Variants in DIAPH2 observed in about 807,000 individuals in gnomAD.
DIAPH2 encodes protein diaphanous homolog 2.
A neutral mutation model predicts 92.7 loss-of-function variants in DIAPH2; 35 were observed. That is an observed-to-expected ratio of 0.38 (90% CI 0.29 to 0.50). The LOEUF (loss-of-function observed/expected upper bound fraction) is 0.50. Among genes scored for constraint, DIAPH2 ranks in the 20% least tolerant of loss-of-function variants. The pLI is 0.94. For missense variants in DIAPH2, 701 were observed against 819.5 expected (o/e 0.86, Z 1.77); for synonymous variants, 301 against 280.4 (o/e 1.07, Z -0.73).
intron 1 of DIAPH2, among the ~76,000 whole-genome samples, chrX:96,694,692 G>A (rs913854458): frequency 2.7e-5 from 3 of 111,556 alleles, no homozygotes; most frequent in East Asian, 5.6e-4. Flanking sequence ...CATTGCTCAC[G>A]ATACAGGGCA....
intron 17 of DIAPH2, among the ~76,000 whole-genome samples, chrX:97,027,965 T>G (rs1348726771): frequency 8.9e-6 from 1 of 112,345 alleles, no homozygotes; most frequent in East Asian, 2.8e-4. Flanking sequence ...AGTTATAAAC[T>G]GCAATTTTTA....
At chrX:96,735,934 C>T in intron 2 of DIAPH2, 144 bp downstream of exon 2, 1 of 376,808 alleles carries the variant, frequency 2.7e-6, no homozygotes, top group Non-Finnish European at 4.7e-6. Context: ...ATTGTCAATT[C>T]AGTGACTTCC....
At chrX:97,329,396 G>A (rs1602512052) in intron 23 of DIAPH2, among the ~76,000 whole-genome samples, 1 of 112,220 alleles carries the variant, frequency 8.9e-6, no homozygotes, top group Non-Finnish European at 1.9e-5. Flanking sequence ...AAAGGAAAGA[G>A]CCCACATTTA....
intron 1 of DIAPH2, among the ~76,000 whole-genome samples, chrX:96,695,639 T>C (rs1357762233): frequency 1.8e-5 from 2 of 112,189 alleles, no homozygotes; most frequent in African/African-American, 3.2e-5. Flanking sequence ...GGTTCTGTTA[T>C]AGCTAATTGT....
intron 23 of DIAPH2, among the ~76,000 whole-genome samples, chrX:97,271,801 C>CTA (rs1394606070): frequency 6.0e-5 from 4 of 66,708 alleles, no homozygotes; most frequent in African/African-American, 1.0e-4. Flanking sequence ...ATTGCAATGA[C>CTA]TATATATATA....
intron 23 of DIAPH2, among the ~76,000 whole-genome samples, chrX:97,312,345 CTTTTTTTTTTTTTTTTT>C (rs56309139): frequency 1.8e-5 from 1 of 54,945 alleles, no homozygotes; most frequent in Non-Finnish European, 3.1e-5. Context: ...CAATAGAATC[CTTTTTTTTTTTTTTTTT>C]TTTTTTTTTT....
At chrX:96,761,753 A>C (rs1490548218) in intron 4 of DIAPH2, among the ~76,000 whole-genome samples, 2 of 110,798 alleles carry the variant, frequency 1.8e-5, no homozygotes, top group East Asian at 2.8e-4. Context: ...TGTTAGTCTC[A>C]TGTCTGTGCT....
At chrX:96,711,838 T>C (rs1278385872) in intron 1 of DIAPH2, among the ~76,000 whole-genome samples, 2 of 111,520 alleles carry the variant, frequency 1.8e-5, no homozygotes, top group East Asian at 2.8e-4. Context: ...GATGTAACAG[T>C]CTATTCAAAT....
chrX:97,333,050 T>G lies in DIAPH2; in HGVS notation c.2845-15066T>G, dbSNP rs138114857. Among the ~76,000 whole-genome samples the G allele has an allele frequency of 8.9e-3, 996 of 111,993 alleles. 5 individuals carry two copies. The highest frequency in any genetic ancestry group is 0.03 in the African/African-American group (931 of 30,838). On this transcript the variant is annotated intron_variant, in intron 23 of 26. Transcript: ENST00000324765. ...GCACAGACTGCAGGATCTGATAGTT[T>G]GCTCTGTAGTTAGATATTTCCAGAA...
intron 22 of DIAPH2, among the ~76,000 whole-genome samples, chrX:97,239,396 AATAAG>A (rs1275912380): frequency 8.9e-6 from 1 of 111,962 alleles, no homozygotes; most frequent in African/African-American, 3.2e-5. Flanking sequence ...CAAGTAGATA[AATAAG>A]ATATGTGAGG....
intron 12 of DIAPH2, among the ~76,000 whole-genome samples, chrX:96,941,155 A>G (rs1246248965): frequency 1.8e-5 from 2 of 112,174 alleles, no homozygotes; most frequent in East Asian, 2.8e-4. Context: ...GGCTTCATTT[A>G]CAAACTTTTA....
chrX:97,031,662 C>T (rs914099607), intron 17 of DIAPH2, among the ~76,000 whole-genome samples: 1 of 111,394 alleles, frequency 9.0e-6, no homozygotes, highest in Middle Eastern at 4.6e-3. Context: ...AAATAAGACT[C>T]TGTGTCCTCG....
At chrX:97,171,681 C>G (rs1208030809) in intron 22 of DIAPH2, among the ~76,000 whole-genome samples, 1 of 112,137 alleles carries the variant, frequency 8.9e-6, no homozygotes, top group Non-Finnish European at 1.9e-5. Flanking sequence ...TGGCTCACAC[C>G]TGTAATCCCA....
chrX:97,329,907 C>T (rs1267269685), intron 23 of DIAPH2, among the ~76,000 whole-genome samples: 1 of 103,178 alleles, frequency 9.7e-6, no homozygotes, highest in Non-Finnish European at 2.0e-5. Flanking sequence ...CACACACACA[C>T]ACACACACAC....
intron 26 of DIAPH2, among the ~76,000 whole-genome samples, chrX:97,591,469 A>G (rs1370369804): frequency 8.9e-6 from 1 of 112,260 alleles, no homozygotes; most frequent in Non-Finnish European, 1.9e-5. Flanking sequence ...CCTTGTATTA[A>G]TGTCAAAATA....
At chrX:97,386,858 A>G (rs1421835507) in intron 25 of DIAPH2, among the ~76,000 whole-genome samples, 2 of 104,846 alleles carry the variant, frequency 1.9e-5, no homozygotes, top group Admixed American at 1.0e-4. Flanking sequence ...GTTTTGTTAC[A>G]TAGGTATACA....
chrX:96,814,326 A>C (rs1042293634), intron 4 of DIAPH2, among the ~76,000 whole-genome samples: 10 of 111,588 alleles, frequency 9.0e-5, no homozygotes, highest in African/African-American at 3.3e-4. Flanking sequence ...CATGTGTTGA[A>C]GCTTGTGCAC....
chrX:97,300,726 A>G (rs2068687813), intron 23 of DIAPH2, among the ~76,000 whole-genome samples: 1 of 93,033 alleles, frequency 1.1e-5, no homozygotes, highest in African/African-American at 3.8e-5. Flanking sequence ...AGGTCAGGAG[A>G]TTGAGACCAT....
intron 22 of DIAPH2, among the ~76,000 whole-genome samples, chrX:97,196,789 G>GTT (rs769690726): frequency 3.0e-5 from 3 of 99,574 alleles, no homozygotes; most frequent in Non-Finnish European, 6.2e-5. Context: ...TTTTTTTTCG[G>GTT]TTTTTTTTTT....
Sources: allele counts gnomAD v4.1 joint callset (sites outside exome capture counted in the v4.1 genomes callset), GRCh38; gene constraint gnomAD v4.1.1; transcripts MANE v1.5; gene names NCBI Gene and HGNC (gene_info 2026-07-23, HGNC 2026-07-21).